The following DDX27 variants were observed in gnomAD, a reference collection of about 807,000 sequenced individuals.
The protein encoded by DDX27 is probable ATP-dependent RNA helicase DDX27.
Under a neutral mutation model 99.3 loss-of-function variants are expected in DDX27, and 42 were observed. That is an observed-to-expected ratio of 0.42 (90% confidence interval 0.33 to 0.55). The LOEUF (loss-of-function observed/expected upper bound fraction) is 0.55, where lower values mean the gene tolerates loss of function less well. Ranked by LOEUF, DDX27 falls within the 20% of genes least tolerant of loss-of-function variation. The pLI, the probability that DDX27 is intolerant of heterozygous loss-of-function variation, is 0.07. For missense variants in DDX27, 798 were observed against 976.8 expected, an observed-to-expected ratio of 0.82 and a Z score of 2.44; for synonymous variants, 329 against 353.8, an observed-to-expected ratio of 0.93 and a Z score of 0.79.
chr20:49,233,532 C>T (rs778399216), intron 10 of DDX27, 36 bp from the exon 11 acceptor site: 56 of 1,606,896 alleles, frequency 3.5e-5, no homozygotes, highest in Non-Finnish European at 4.4e-5. Flanking sequence ...TACCACCTTG[C>T]AGAGAGCTGA....
rs1468328475 is a variant in DDX27, at chr20:49,222,985, T to C, written c.269T>C (p.Ile90Thr). 1.9e-6 allele frequency: 3 copies of C among 1,613,132 alleles called. No homozygotes were observed. The highest frequency in any genetic ancestry group is 2.5e-6 in the Non-Finnish European group (3 of 1,179,690). Residue 90 changes from isoleucine (I) to threonine (T), a missense_variant, in exon 3 of 21, where the codon ATT becomes ACT. Around this residue, in one of 2 missense-constraint regions of DDX27, gnomAD observed 245 missense variants for 248.8 expected, o/e 0.98. Coordinates refer to ENST00000618172, the MANE Select transcript of DDX27 (RefSeq NM_017895.8). ...KRAATTLDEK[I>T]EKVRKKRKTE... ...GCAGCCACTACATTAGATGAGAAGA[T>C]TGAGAAAGTTCGAAAGAAAAGGAAA...
intron 19 of DDX27, 36 bp downstream of exon 19, chr20:49,242,717 CTTTTTT>C: frequency 3.0e-5 from 42 of 1,419,352 alleles, no homozygotes; most frequent in Admixed American, 1.0e-4. Flanking sequence ...CCTTGGTATT[CTTTTTT>C]TTTTTTTTTT....
chr20:49,236,980 C>G lies in DDX27; in HGVS notation c.1687+470C>G, dbSNP rs1043626884. Among the ~76,000 whole-genome samples, 1 of 151,956 alleles carries G rather than the reference C, an allele frequency of 6.6e-6. No homozygotes were observed. Among genetic ancestry groups the G allele is most frequent in the Non-Finnish European group, 1.5e-5 (1 of 67,998 alleles). On this transcript the variant is annotated intron_variant, in intron 14 of 20. Coordinates refer to ENST00000618172, the MANE Select transcript of DDX27 (RefSeq NM_017895.8). The surrounding 1 kb of genome is among the most constrained non-coding windows in gnomAD (Gnocchi z 4.1). The stretch of plus-strand genomic sequence containing the variant: ...ACCCACCTTCTGCCTCCCAAAGTGC[C>G]GGGATTAACAGTAATGAGCCACCAT...
At chr20:49,234,085 C>T in intron 11 of DDX27, 1 of 201,260 alleles carries the variant, frequency 5.0e-6, no homozygotes, top group East Asian at 1.1e-4. Flanking sequence ...TGATTGCTTG[C>T]AGAAGACATT....
chr20:49,228,668 G>A (rs1168770768), intron 7 of DDX27, 47 bp from the exon 8 acceptor site: 1 of 1,516,780 alleles, frequency 6.6e-7, no homozygotes, highest in Non-Finnish European at 8.9e-7. Context: ...TAACCCTGGA[G>A]GGAGCTAAAC....
chr20:49,230,714 G>C (rs1377452014), intron 9 of DDX27, among the ~76,000 whole-genome samples: 1 of 152,202 alleles, frequency 6.6e-6, no homozygotes, highest in East Asian at 1.9e-4. Context: ...GGAAGTGCCA[G>C]CGTGGCTCCC....
Position 49,226,431 on chromosome 20 carries a change from C to G in DDX27, c.602C>G (p.Ala201Gly). 1 of 1,612,922 alleles carries G rather than the reference C, an allele frequency of 6.2e-7. No homozygotes were observed. Among genetic ancestry groups the G allele is most frequent in the Non-Finnish European group, 8.5e-7 (1 of 1,179,386 alleles). ...CTGACCCAGTTCTTTTTTCCTCAGG[C>G]CATTACAGCCATGGGCTTCAAGCAG... is the stretch of plus-strand genomic sequence containing the variant. ...DMNLSRPLLK[A>G]ITAMGFKQPT... Residue 201 changes from alanine to glycine, a missense_variant and splice_region_variant, in exon 7 of 21, where the codon GCC (alanine) becomes GGC (glycine). Ala to Gly is a moderately conservative substitution (Grantham distance 60). Coordinates refer to ENST00000618172, the MANE Select transcript of DDX27 (RefSeq NM_017895.8).
chr20:49,224,132 C>T (rs886998383), intron 4 of DDX27, among the ~76,000 whole-genome samples: 1 of 152,070 alleles, frequency 6.6e-6, no homozygotes, highest in East Asian at 1.9e-4. Flanking sequence ...CCGCCTTGAC[C>T]TCTAAAAGTG....
chr20:49,233,395 T>A lies in DDX27; in HGVS notation c.1121T>A (p.Met374Lys), dbSNP rs1405826679. Residue 374 changes from methionine (M) to lysine (K), a missense_variant, in exon 10 of 21, where the codon ATG becomes AAG. Physicochemically the swap from Met to Lys is moderately conservative, Grantham distance 95. Coordinates refer to ENST00000618172, the MANE Select transcript of DDX27 (RefSeq NM_017895.8). ...CAGACCATGCTCTTCTCGGCCACCA[T>A]GACAGACGAGGTGGGCCGAGGGACT... ...HRQTMLFSAT[M>K]TDEVKDLASV... 1 of 1,613,956 alleles carries A rather than the reference T, an allele frequency of 6.2e-7. No homozygotes were observed. Among genetic ancestry groups the A allele is most frequent in the South Asian group, 1.1e-5 (1 of 91,082 alleles).
chr20:49,235,246 G>A, intron 12 of DDX27, 158 bp downstream of exon 12: 1 of 767,174 alleles, frequency 1.3e-6, no homozygotes, highest in East Asian at 3.0e-5. Context: ...GTGAGGTCAT[G>A]TCTTAGATGT....
intron 9 of DDX27, chr20:49,231,090 C>G (rs1034539968): frequency 6.6e-6 from 1 of 152,602 alleles, no homozygotes; most frequent in Admixed American, 6.5e-5. Context: ...ATTTCCTCAG[C>G]CTGGAGCCAT....
At chr20:49,233,274 T>G (rs764459848) in intron 9 of DDX27, 32 bp from the exon 10 acceptor site, 1 of 1,567,944 alleles carries the variant, frequency 6.4e-7, no homozygotes, top group East Asian at 2.2e-5. Flanking sequence ...GAGCACTCTC[T>G]CCATTTCTGC....
intron 18 of DDX27, 114 bp downstream of exon 18, chr20:49,242,320 T>C: frequency 6.7e-7 from 1 of 1,492,560 alleles, no homozygotes. Flanking sequence ...ATTTGAGTAA[T>C]TAGTATGTAC....
chr20:49,242,801 A>G (rs1193798238), intron 19 of DDX27, 120 bp downstream of exon 19: 13 of 916,586 alleles, frequency 1.4e-5, no homozygotes, highest in Admixed American at 2.6e-5. Flanking sequence ...AGCTCACTGC[A>G]AGCTCCACCT....
intron 6 of DDX27, 67 bp downstream of exon 6, chr20:49,225,266 T>A: frequency 7.6e-7 from 1 of 1,314,756 alleles, no homozygotes; most frequent in Non-Finnish European, 1.1e-6. Flanking sequence ...CAAGATGGTC[T>A]CAAATTCCTG....
intron 9 of DDX27, among the ~76,000 whole-genome samples, chr20:49,232,182 C>T (rs1008217674): frequency 1.2e-4 from 18 of 152,068 alleles, no homozygotes; most frequent in Non-Finnish European, 2.4e-4. Context: ...CCACCTTGCC[C>T]GGCCCCAGCT....
At position 49,236,564 on chromosome 20, in the gene DDX27, C is replaced by T; in HGVS notation, c.1687+54C>T. The T allele has an allele frequency of 6.7e-7, 1 of 1,489,830 alleles. No individual in the cohort carries two copies. Among genetic ancestry groups the T allele is most frequent in the South Asian group, 1.4e-5 (1 of 70,952 alleles). The allele number at this position is 1,489,830 out of a possible 1,614,324, so 92.3% of individuals were successfully genotyped here. On this transcript the variant is annotated intron_variant, in intron 14 of 20. Transcript: ENST00000618172. This position sits in a 1 kb window ranked among gnomAD's most constrained non-coding sequence, Gnocchi z 4.1. ...AATGGCTCGGTGGGCGGGGCAAGGA[C>T]AGAGTGTAATGGCTGAGAGCAGGTA...
intron 6 of DDX27, among the ~76,000 whole-genome samples, chr20:49,225,400 G>T (rs1329760678): frequency 2.7e-5 from 4 of 150,372 alleles, no homozygotes; most frequent in Admixed American, 2.6e-4. Context: ...TGGACTTTCT[G>T]CTTCTCTCTT....
intron 1 of DDX27, among the ~76,000 whole-genome samples, 187 bp from the exon 2 acceptor site, chr20:49,221,265 G>A (rs1979669922): frequency 2.0e-5 from 3 of 152,086 alleles, no homozygotes; most frequent in Admixed American, 6.6e-5. Context: ...CGTCTTTTTT[G>A]TATTTTTAGT....
Sources: gnomAD v4.1 joint callset for allele counts (sites outside exome capture counted in the v4.1 genomes callset) on GRCh38, gnomAD v4.1.1 for gene constraint, gnomAD v4.1.1 regional missense constraint, Gnocchi (gnomAD v3.1) non-coding constraint, MANE v1.5 for transcripts, NCBI Gene and HGNC (gene_info 2026-07-23, HGNC 2026-07-21) for gene names.